The following DCAF7 variants were observed in gnomAD, a reference collection of about 807,000 sequenced individuals.
DCAF7 encodes DDB1 and CUL4 associated factor 7.
A neutral mutation model predicts 41.2 loss-of-function variants in DCAF7; 4 were observed. The observed-to-expected ratio is 0.10, with a 90% confidence interval of 0.05 to 0.22. DCAF7 has a LOEUF of 0.22. DCAF7 is among the 10% of genes least tolerant of loss of function. The pLI is 1.00. For missense variants in DCAF7, 131 were observed against 443.2 expected (o/e 0.30, Z 6.32); for synonymous variants, 143 against 164.2 (o/e 0.87, Z 0.99).
chr17:63,556,950 C>T (rs973574177), intron 1 of DCAF7, among the ~76,000 whole-genome samples: 2 of 152,072 alleles, frequency 1.3e-5, no homozygotes, highest in East Asian at 3.9e-4. Flanking sequence ...ATCACTTGAG[C>T]CCAGGAGGTC....
At chr17:63,566,409 C>G (rs567191770) in intron 1 of DCAF7, among the ~76,000 whole-genome samples, 1 of 151,294 alleles carries the variant, frequency 6.6e-6, no homozygotes, top group Non-Finnish European at 1.5e-5. Flanking sequence ...TAGAATCTGT[C>G]CAATAAAAAC....
chr17:63,580,017 C>T, intron 4 of DCAF7, 74 bp downstream of exon 4: 1 of 1,115,304 alleles, frequency 9.0e-7, no homozygotes, highest in East Asian at 2.5e-5. Context: ...TCAGCTTGTT[C>T]TCTCATTGTT....
rs531493234 is a variant in DCAF7 at position 63,561,765 on chromosome 17, G to A, written c.138+10950G>A. Among the ~76,000 whole-genome samples the A allele has an allele frequency of 1.4e-4, 22 of 151,994 alleles. No homozygotes were observed. The East Asian group carries it at 3.9e-3, about 27-fold the overall frequency. On this transcript the variant is annotated intron_variant, in intron 1 of 6. Coordinates refer to ENST00000614556, the MANE Select transcript of DCAF7 (RefSeq NM_005828.5). Reference sequence around the variant, plus strand: ...AAGTATAGAGAGCTTTGCATTCAACGGAAAATTCACTTTAAACAATAACCC... The same window carrying A: ...AAGTATAGAGAGCTTTGCATTCAACAGAAAATTCACTTTAAACAATAACCC...
intron 1 of DCAF7, among the ~76,000 whole-genome samples, chr17:63,576,865 G>A (rs1371763164): frequency 6.6e-6 from 1 of 152,190 alleles, no homozygotes; most frequent in African/African-American, 2.4e-5. Context: ...AGTGAACCAC[G>A]ATTGCACCAC....
intron 1 of DCAF7, among the ~76,000 whole-genome samples, chr17:63,568,789 C>T (rs762218138): frequency 2.0e-5 from 3 of 152,200 alleles, no homozygotes; most frequent in Admixed American, 2.0e-4. Context: ...CCTGCCCCAC[C>T]TCACAATACA....
chr17:63,576,883 G>A (rs909843417), intron 1 of DCAF7, among the ~76,000 whole-genome samples: 1 of 152,146 alleles, frequency 6.6e-6, no homozygotes, highest in Non-Finnish European at 1.5e-5. Context: ...CACTGCACTC[G>A]AACCAGTGCA....
chr17:63,578,977 G>C (rs1013879418), intron 2 of DCAF7, among the ~76,000 whole-genome samples: 6 of 152,318 alleles, frequency 3.9e-5, no homozygotes, highest in Admixed American at 3.9e-4. Flanking sequence ...TTCTGATAAA[G>C]TGTGTGAGTG....
At position 63,571,000 on chromosome 17, in the gene DCAF7, A is replaced by G. The variant is rs1307946656; in HGVS notation, c.139-7470A>G. On this transcript the variant is annotated intron_variant, in intron 1 of 6. Coordinates refer to ENST00000614556, the MANE Select transcript of DCAF7 (RefSeq NM_005828.5). ...CAGAAGTTCAAGACCAGCTTGGCCA[A>G]CATGGCGAAGCCCTGTCTCTACTAA... Among the ~76,000 whole-genome samples the G allele has an allele frequency of 2.6e-5, 4 of 152,322 alleles. No homozygotes were observed. The East Asian group carries it at 7.7e-4, about 29-fold the overall frequency.
intron 1 of DCAF7, among the ~76,000 whole-genome samples, chr17:63,563,033 C>T (rs1212139599): frequency 6.6e-6 from 1 of 152,008 alleles, no homozygotes; most frequent in Non-Finnish European, 1.5e-5. Flanking sequence ...GCCATATTGC[C>T]CAGGCTGGTC....
chr17:63,558,125 C>G (rs2033329963), intron 1 of DCAF7, among the ~76,000 whole-genome samples: 1 of 152,140 alleles, frequency 6.6e-6, no homozygotes, highest in African/African-American at 2.4e-5. Context: ...AAACTGTGGG[C>G]TCAAGTGATC....
chr17:63,588,903 G>C (rs2033705708), intron 6 of DCAF7, 97 bp from the exon 7 acceptor site: 1 of 1,312,066 alleles, frequency 7.6e-7, no homozygotes, highest in South Asian at 1.5e-5. Context: ...GCCATCACGG[G>C]GGTGCTTTGT....
At position 63,579,459 on chromosome 17, in the gene DCAF7, T is replaced by C. The variant is rs1046796100; in HGVS notation, c.409+11T>C. 7 of 1,576,040 alleles carry C rather than the reference T, an allele frequency of 4.4e-6. No homozygotes were observed. The Admixed American group carries it at 1.3e-4, about 28-fold the overall frequency. ...ATCCTTATCTTTTAGGTAAGGGAGT[T>C]AGGGAGTATGTATTTCAGCTGGAAG... On this transcript the variant is annotated intron_variant, in intron 3 of 6. Coordinates refer to ENST00000614556, the MANE Select transcript of DCAF7 (RefSeq NM_005828.5).
At chr17:63,563,707 C>T (rs1490053369) in intron 1 of DCAF7, among the ~76,000 whole-genome samples, 4 of 152,046 alleles carry the variant, frequency 2.6e-5, no homozygotes, top group Admixed American at 6.6e-5. Flanking sequence ...CTCAGCTACT[C>T]GGGAGGCTGA....
intron 1 of DCAF7, among the ~76,000 whole-genome samples, chr17:63,551,313 C>G (rs930055561): frequency 1.2e-4 from 18 of 149,248 alleles, no homozygotes; most frequent in Non-Finnish European, 1.9e-4. Flanking sequence ...TCCCACCCCC[C>G]CCGGGTACTC....
At chr17:63,566,231 C>A (rs963665948) in intron 1 of DCAF7, among the ~76,000 whole-genome samples, 1 of 151,946 alleles carries the variant, frequency 6.6e-6, no homozygotes, top group Non-Finnish European at 1.5e-5. Context: ...ATTAGCCGGG[C>A]GTGGTGGTAG....
At chr17:63,559,197 G>T (rs914544009) in intron 1 of DCAF7, among the ~76,000 whole-genome samples, 1 of 150,554 alleles carries the variant, frequency 6.6e-6, no homozygotes, top group Admixed American at 6.7e-5. Flanking sequence ...TGTAATCCTC[G>T]CTACTTGGGA....
intron 1 of DCAF7, among the ~76,000 whole-genome samples, chr17:63,552,921 A>G (rs1233320849): frequency 6.6e-6 from 1 of 152,236 alleles, no homozygotes; most frequent in Non-Finnish European, 1.5e-5. Flanking sequence ...GCAGTTAACT[A>G]TATCTTAACT....
chr17:63,569,899 G>C (rs989531296), intron 1 of DCAF7, among the ~76,000 whole-genome samples: 1 of 152,086 alleles, frequency 6.6e-6, no homozygotes, highest in Non-Finnish European at 1.5e-5. Context: ...TTTTTGTAGA[G>C]ACGGGCTTTC....
At position 63,590,565 on chromosome 17, in the gene DCAF7, T is replaced by C. The variant is rs1359004942; in HGVS notation, c.*1393T>C. ...TTGACTTGCAGGCCGCAGGTGTCTT[T>C]CTGTTATGTGAATGAGTTCCATGGA... On this transcript the variant is annotated 3_prime_UTR_variant, in exon 7 of 7. Coordinates refer to ENST00000614556, the MANE Select transcript of DCAF7 (RefSeq NM_005828.5). 2.0e-5 allele frequency: 3 copies of C among 152,634 alleles called. No homozygotes were observed. The highest frequency in any genetic ancestry group is 7.2e-5 in the African/African-American group (3 of 41,426). The allele number at this position is 152,634 out of a possible 1,614,324, so 9.5% of individuals were successfully genotyped here. A position where few individuals can be genotyped will look rare whatever the true frequency, so the allele number is the denominator to read the frequency against.
Sources: gnomAD v4.1 joint callset for allele counts (sites outside exome capture counted in the v4.1 genomes callset) on GRCh38, gnomAD v4.1.1 for gene constraint, MANE v1.5 for transcripts, NCBI Gene and HGNC (gene_info 2026-07-23, HGNC 2026-07-21) for gene names.